The following THSD4 variants were observed in gnomAD, a reference collection of about 807,000 sequenced individuals.
The protein encoded by THSD4 is thrombospondin type-1 domain-containing protein 4.
In THSD4, 69 loss-of-function variants were observed where a neutral mutation model predicts 119.0. That is an observed-to-expected ratio of 0.58 (90% confidence interval 0.48 to 0.71). THSD4 has a LOEUF of 0.71. THSD4 is among the 30% of genes least tolerant of loss of function. The pLI, the probability that THSD4 is intolerant of heterozygous loss-of-function variation, is 0.00. For missense variants in THSD4, 1,393 were observed against 1,391.1 expected (o/e 1.00, Z -0.02); for synonymous variants, 524 against 540.4 (o/e 0.97, Z 0.42).
chr15:71,557,924 T>C (rs2049045401), intron 7 of THSD4, among the ~76,000 whole-genome samples: 2 of 152,224 alleles, frequency 1.3e-5, no homozygotes. Context: ...AATCAACTTT[T>C]GGCTTTGTTC....
At chr15:71,509,958 C>A (rs564315716) in intron 7 of THSD4, among the ~76,000 whole-genome samples, 2 of 151,948 alleles carry the variant, frequency 1.3e-5, no homozygotes, top group Admixed American at 6.6e-5. Flanking sequence ...TAACTATTGT[C>A]GATATTTTTA....
intron 5 of THSD4, among the ~76,000 whole-genome samples, chr15:71,253,380 A>C (rs1315569189): frequency 6.6e-6 from 1 of 151,684 alleles, no homozygotes; most frequent in African/African-American, 2.4e-5. Context: ...GGGCTGGTGT[A>C]TTTGGCAGGG....
At chr15:71,326,701 AT>A (rs1391843977) in intron 6 of THSD4, among the ~76,000 whole-genome samples, 152 of 15,184 alleles carry the variant, frequency 0.01, no homozygotes, top group Non-Finnish European at 0.015. Flanking sequence ...AAAAAAAAAA[AT>A]ATATATATAT....
At chr15:71,560,675 C>T (rs2049098383) in intron 7 of THSD4, among the ~76,000 whole-genome samples, 1 of 152,062 alleles carries the variant, frequency 6.6e-6, no homozygotes, top group Non-Finnish European at 1.5e-5. Context: ...TGCAATTTTC[C>T]ATGTAATTGT....
At chr15:71,584,811 A>G (rs545131024) in intron 7 of THSD4, among the ~76,000 whole-genome samples, 28 of 151,686 alleles carry the variant, frequency 1.8e-4, no homozygotes, top group African/African-American at 6.5e-4. Context: ...CAATTTGACA[A>G]TTTTTTGAGG....
intron 7 of THSD4, among the ~76,000 whole-genome samples, chr15:71,617,905 G>A (rs950592148): frequency 2.0e-5 from 3 of 152,106 alleles, no homozygotes; most frequent in Non-Finnish European, 2.9e-5. Flanking sequence ...TAGCTCCAGC[G>A]TTTCTTGATT....
At chr15:71,205,735 T>A (rs2043838265) in intron 3 of THSD4, among the ~76,000 whole-genome samples, 1 of 152,120 alleles carries the variant, frequency 6.6e-6, no homozygotes, top group South Asian at 2.1e-4. Context: ...AAGGTAAAAT[T>A]TGGGGCCTTT....
intron 7 of THSD4, among the ~76,000 whole-genome samples, chr15:71,460,486 G>A (rs1396613930): frequency 6.6e-6 from 1 of 152,112 alleles, no homozygotes; most frequent in Non-Finnish European, 1.5e-5. Context: ...TGGATGGCAT[G>A]TGGACATATT....
At chr15:71,582,796 A>G (rs1050139019) in intron 7 of THSD4, among the ~76,000 whole-genome samples, 4 of 152,176 alleles carry the variant, frequency 2.6e-5, no homozygotes, top group African/African-American at 7.2e-5. Flanking sequence ...TGATTTGCAC[A>G]TGTCAAACCT....
At chr15:71,452,692 T>A (rs1316522714) in intron 7 of THSD4, among the ~76,000 whole-genome samples, 1 of 152,158 alleles carries the variant, frequency 6.6e-6, no homozygotes, top group Non-Finnish European at 1.5e-5. Context: ...CTCTGCTCAC[T>A]ACAGCCTCCA....
chr15:71,481,460 G>A (rs1216912691), intron 7 of THSD4, among the ~76,000 whole-genome samples: 1 of 152,200 alleles, frequency 6.6e-6, no homozygotes, highest in Non-Finnish European at 1.5e-5. Flanking sequence ...TGAACCACAA[G>A]GATTTTTCTA....
intron 7 of THSD4, among the ~76,000 whole-genome samples, chr15:71,460,974 A>G (rs2047421915): frequency 6.6e-6 from 1 of 152,198 alleles, no homozygotes; most frequent in Non-Finnish European, 1.5e-5. Context: ...ATTGCTGCAT[A>G]ACAAATTATT....
At chr15:71,354,920 C>T (rs984797154) in intron 6 of THSD4, among the ~76,000 whole-genome samples, 2 of 152,202 alleles carry the variant, frequency 1.3e-5, no homozygotes, top group African/African-American at 4.8e-5. Flanking sequence ...ACTTCACACT[C>T]CTCTTGTTCT....
intron 7 of THSD4, among the ~76,000 whole-genome samples, chr15:71,606,621 AC>A (rs1427826222): frequency 1.3e-5 from 2 of 151,950 alleles, no homozygotes; most frequent in Non-Finnish European, 2.9e-5. Context: ...GCTCACCGCA[AC>A]CTCCACCTCC....
chr15:71,631,007 T>C lies in THSD4; in HGVS notation c.1153-29523T>C, dbSNP rs1595807063. Among the ~76,000 whole-genome samples, 3 of 152,220 alleles carry C rather than the reference T, an allele frequency of 2.0e-5. No individual in the cohort carries two copies. In the South Asian group the frequency reaches 6.2e-4, roughly 32 times the overall value. ...CATGCTCTCCTCCCCAACCACCAACTGGACAATCAAAAACACCCGCAGACA... is the reference window on the plus strand; with the variant it reads ...CATGCTCTCCTCCCCAACCACCAACCGGACAATCAAAAACACCCGCAGACA... On this transcript the variant is annotated intron_variant, in intron 7 of 17. Coordinates refer to ENST00000261862, the MANE Select transcript of THSD4 (RefSeq NM_024817.3).
At chr15:71,692,008 A>G (rs2052062323) in intron 8 of THSD4, among the ~76,000 whole-genome samples, 1 of 152,240 alleles carries the variant, frequency 6.6e-6, no homozygotes, top group South Asian at 2.1e-4. Flanking sequence ...GGGAGGGATA[A>G]CAACATTCCA....
chr15:71,723,926 C>T (rs1204452284), intron 8 of THSD4, among the ~76,000 whole-genome samples: 9 of 151,882 alleles, frequency 5.9e-5, no homozygotes, highest in Admixed American at 2.0e-4. Flanking sequence ...AAAAATTAAC[C>T]GATTGTGGTG....
chr15:71,141,919 C>G (rs538890158), intron 2 of THSD4, among the ~76,000 whole-genome samples: 1 of 152,140 alleles, frequency 6.6e-6, no homozygotes, highest in South Asian at 2.1e-4. Context: ...CTCTGGCCAA[C>G]GTGGTGAAAC....
chr15:71,382,367 TG>T (rs2046239692), intron 6 of THSD4, among the ~76,000 whole-genome samples: 1 of 152,208 alleles, frequency 6.6e-6, no homozygotes, highest in African/African-American at 2.4e-5. Context: ...ATGCTAGTTT[TG>T]CATCAGTGTA....
Sources: gnomAD v4.1 joint callset for allele counts (sites outside exome capture counted in the v4.1 genomes callset) on GRCh38, gnomAD v4.1.1 for gene constraint, MANE v1.5 for transcripts, NCBI Gene and HGNC (gene_info 2026-07-23, HGNC 2026-07-21) for gene names.